Variants in GLIS2 observed in about 807,000 individuals in gnomAD.
The protein encoded by GLIS2 is GLIS family zinc finger 2.
GLIS2 carries 14 observed loss-of-function variants against 35.6 expected under a neutral mutation model. The observed-to-expected ratio is 0.39, with a 90% confidence interval of 0.26 to 0.61. The LOEUF (loss-of-function observed/expected upper bound fraction) is 0.61, where lower values mean the gene tolerates loss of function less well. GLIS2 is among the 20% of genes least tolerant of loss of function. GLIS2 has a pLI of 0.48. For synonymous variants in GLIS2, 368 were observed against 325.1 expected (o/e 1.13, Z -1.42); for missense variants, 675 against 713.4 (o/e 0.95, Z 0.61).
In GLIS2 at chr16:4,335,233, C is replaced by T; in HGVS notation, c.656+40C>T. The T allele has an allele frequency of 6.2e-6, 10 of 1,613,600 alleles. No homozygotes were observed. Among genetic ancestry groups the T allele is most frequent in the Non-Finnish European group, 8.5e-6 (10 of 1,179,994 alleles). On this transcript the variant is annotated intron_variant, in intron 5 of 6. Coordinates refer to ENST00000433375, the MANE Select transcript of GLIS2 (RefSeq NM_032575.3). This position sits in a 1 kb window ranked among gnomAD's most constrained non-coding sequence, Gnocchi z 4.6. Reference sequence around the variant, plus strand: ...AGAGGGGTAGAGGGAGGACTGGGGTCTCCAGTGAGCTGAGCCGTGCCCCCC... The same window carrying T: ...AGAGGGGTAGAGGGAGGACTGGGGTTTCCAGTGAGCTGAGCCGTGCCCCCC...
At chr16:4,326,973 C>G (rs531014031) in intron 1 of GLIS2, among the ~76,000 whole-genome samples, 144 of 152,172 alleles carry the variant, frequency 9.5e-4, no homozygotes, top group Non-Finnish European at 1.4e-3. Flanking sequence ...GTTGGCCAGG[C>G]TGGTCTGGAA....
intron 1 of GLIS2, among the ~76,000 whole-genome samples, chr16:4,318,913 C>T (rs956533902): frequency 6.6e-5 from 10 of 152,240 alleles, no homozygotes; most frequent in Non-Finnish European, 1.0e-4. Flanking sequence ...GGGTTTGGGG[C>T]AATCTCTGGA....
intron 6 of GLIS2, chr16:4,336,442 C>G: frequency 3.4e-6 from 2 of 589,868 alleles, no homozygotes; most frequent in Non-Finnish European, 3.0e-6. Context: ...CCACCGGGCC[C>G]GGCCTCCAAG....
chr16:4,328,608 G>A (rs1433307679), intron 1 of GLIS2, among the ~76,000 whole-genome samples: 2 of 152,218 alleles, frequency 1.3e-5, no homozygotes, highest in Non-Finnish European at 2.9e-5. Context: ...CGTGTGCCGG[G>A]CTCTGGCCTG....
At chr16:4,322,981 C>G (rs536977157) in intron 1 of GLIS2, among the ~76,000 whole-genome samples, 1 of 152,232 alleles carries the variant, frequency 6.6e-6, no homozygotes, top group Non-Finnish European at 1.5e-5. Flanking sequence ...CCCCAGAAGC[C>G]AAGGCTCCTG....
chr16:4,322,379 C>T (rs2141121791), intron 1 of GLIS2, among the ~76,000 whole-genome samples: 1 of 152,312 alleles, frequency 6.6e-6, no homozygotes, highest in African/African-American at 2.4e-5. Context: ...TCCTCTGTGG[C>T]ACTGGGCTTT....
At chr16:4,336,346 C>A (rs899485698) in intron 6 of GLIS2, 5 of 418,700 alleles carry the variant, frequency 1.2e-5, no homozygotes, top group Non-Finnish European at 2.2e-5. Context: ...GGGGTCTCAC[C>A]ATGTTGGCCC....
chr16:4,337,151 G>T lies in GLIS2; in HGVS notation c.1202G>T (p.Gly401Val), dbSNP rs1433611737. The change falls in exon 7 of 7, where the codon GGG becomes GTG. Residue 401 changes from glycine to valine, a missense_variant. Gly to Val is a moderately radical substitution (Grantham distance 109, BLOSUM62 -3). Around this residue, in one of 3 missense-constraint regions of GLIS2, gnomAD observed 317 missense variants for 283.2 expected, o/e 1.12. Coordinates refer to ENST00000433375, the MANE Select transcript of GLIS2 (RefSeq NM_032575.3). ...GGGGGTGGGGGGGGCATGGGCCCTGGGCTGCCAGGCCCCGTCCTGCCTCTC... is the reference window on the plus strand; with the variant it reads ...GGGGGTGGGGGGGGCATGGGCCCTGTGCTGCCAGGCCCCGTCCTGCCTCTC... ...GSGGGGGMGP[G>V]LPGPVLPLNL... The T allele has an allele frequency of 3.2e-6, 5 of 1,538,728 alleles. No individual in the cohort carries two copies. The highest frequency in any genetic ancestry group is 4.4e-6 in the Non-Finnish European group (5 of 1,146,770).
At chr16:4,327,221 T>C (rs1411202079) in intron 1 of GLIS2, among the ~76,000 whole-genome samples, 1 of 152,190 alleles carries the variant, frequency 6.6e-6, no homozygotes, top group Non-Finnish European at 1.5e-5. Flanking sequence ...AGAGCAGGAC[T>C]CCAACCAGCT....
rs1433055336 is a variant in GLIS2 at position 4,336,937 on chromosome 16, C to T, written c.988C>T (p.Gln330Ter). 6.2e-7 allele frequency: 1 copy of T among 1,611,704 alleles called. No homozygotes were observed. The highest frequency in any genetic ancestry group is 8.5e-7 in the Non-Finnish European group (1 of 1,179,672). The stretch of plus-strand genomic sequence containing the variant: ...GTCCCACGAGCAGCAAGAGCTCCTG[C>T]AGCTGCGCCCACCCCCCAAGCCGCC... ...FVSHEQQELL[Q>*]LRPPPKPPLP... Residue 330 changes from glutamine (Q) to a stop codon, truncating the protein, a stop_gained, in exon 7 of 7, where the codon CAG becomes TAG. Coordinates refer to ENST00000433375, the MANE Select transcript of GLIS2 (RefSeq NM_032575.3). LOFTEE classifies it high-confidence loss of function.
Position 4,320,072 on chromosome 16 carries a change from C to T in GLIS2, c.-67+3818C>T, listed in dbSNP as rs535277307. On this transcript the variant is annotated intron_variant, in intron 1 of 6. Coordinates refer to ENST00000433375, the MANE Select transcript of GLIS2 (RefSeq NM_032575.3). The surrounding 1 kb of genome is among the most constrained non-coding windows in gnomAD (Gnocchi z 5.6). ...TGGGGGGCGGGTGACTTGGGCTCCT[C>T]GTGCCCTTTGTCTTCGGTGCTTGAG... Among the ~76,000 whole-genome samples, 177 of 152,200 alleles carry T rather than the reference C, an allele frequency of 1.2e-3. 1 individual carries two copies. Among genetic ancestry groups the T allele is most frequent in the Admixed American group, 2.4e-3 (37 of 15,294 alleles).
In GLIS2 at chr16:4,335,575, T is replaced by G. The variant is rs2053542043; in HGVS notation, c.775+182T>G. On this transcript the variant is annotated intron_variant, in intron 6 of 6. Transcript: ENST00000433375. This position sits in a 1 kb window ranked among gnomAD's most constrained non-coding sequence, Gnocchi z 4.6. ...TGCTAGGGGAAGCATCCCCTGGGGG[T>G]CAGACCCCCACCCAGCACCTGCTCT... Among the ~76,000 whole-genome samples, 1 of 151,264 alleles carries G rather than the reference T, an allele frequency of 6.6e-6. No individual in the cohort carries two copies. Among genetic ancestry groups the G allele is most frequent in the African/African-American group, 2.4e-5 (1 of 41,064 alleles).
upstream of GLIS2, chr16:4,315,171 G>A (rs1262825976): frequency 2.0e-5 from 3 of 152,266 alleles, no homozygotes; most frequent in Non-Finnish European, 2.9e-5. Flanking sequence ...TAGGAACCAA[G>A]CGGAAGCTCG....
rs961554440 is a variant in GLIS2, at chr16:4,339,238, CCT to C, written c.*1715_*1716del. On this transcript the variant is annotated 3_prime_UTR_variant, in exon 7 of 7. Coordinates refer to ENST00000433375, the MANE Select transcript of GLIS2 (RefSeq NM_032575.3). ...ACCCAGGCCCTGAGCACCCCCCACC[CCT>C]GTGAGGGCCCCAGGCCTTAAGTCCC... is the stretch of plus-strand genomic sequence containing the variant. The C allele has an allele frequency of 1.2e-4, 18 of 152,860 alleles. 1 individual carries two copies. Among genetic ancestry groups the C allele is most frequent in the African/African-American group, 4.3e-4 (18 of 41,602 alleles). The allele number at this position is 152,860 out of a possible 1,614,324, so 9.5% of individuals were successfully genotyped here.
At chr16:4,326,466 G>C (rs61747446) in intron 1 of GLIS2, 2 of 152,210 alleles carry the variant, frequency 1.3e-5, no homozygotes, top group Non-Finnish European at 2.9e-5. Flanking sequence ...CAGGGATGCA[G>C]CCCCATCTTA....
chr16:4,332,447 C>T lies in GLIS2; in HGVS notation c.167C>T (p.Pro56Leu), dbSNP rs1319824956. The T allele has an allele frequency of 6.2e-7, 1 of 1,611,490 alleles. No homozygotes were observed. The highest frequency in any genetic ancestry group is 1.3e-5 in the African/African-American group (1 of 75,030). The change falls in exon 2 of 7, where the codon CCC (proline) becomes CTC (leucine). Residue 56 changes from proline (P) to leucine (L), a missense_variant. Physicochemically the swap from Pro to Leu is moderately conservative, Grantham distance 98 (BLOSUM62 -3). Around this residue, in one of 3 missense-constraint regions of GLIS2, gnomAD observed 225 missense variants for 238.7 expected, o/e 0.94. Coordinates refer to ENST00000433375, the MANE Select transcript of GLIS2 (RefSeq NM_032575.3). The surrounding 1 kb of genome is among the most constrained non-coding windows in gnomAD (Gnocchi z 5.4). The stretch of plus-strand genomic sequence containing the variant: ...ACACCTGGCTCTCCAGGCTCCCCGC[C>T]CTCAGGTACTGGCCCTGGGCAGGGC... ...SPTPGSPGSPPSGFLLNSKFP... is the reference protein window; with the variant it reads ...SPTPGSPGSPLSGFLLNSKFP...
rs746927998 is a variant in GLIS2 at position 4,337,245 on chromosome 16, C to T, written c.1296C>T (p.Ser432=). 26 of 1,548,256 alleles carry T rather than the reference C, an allele frequency of 1.7e-5. No individual in the cohort carries two copies. The highest frequency in any genetic ancestry group is 2.1e-5 in the Non-Finnish European group (24 of 1,147,314). The stretch of plus-strand genomic sequence containing the variant: ...GCGGACTGGGCTTGCCTGTGGTCTC[C>T]CTCCTTGCTGGCGCAGCTGGTGGCA... ...GAGGLGLPVV[S]LLAGAAGGKA... is the part of the protein sequence containing the mutation. The change falls in exon 7 of 7, where the codon TCC becomes TCT. Residue 432 remains serine, a synonymous_variant. Coordinates refer to ENST00000433375, the MANE Select transcript of GLIS2 (RefSeq NM_032575.3).
Position 4,332,439 on chromosome 16 carries a change from C to T in GLIS2, c.159C>T (p.Gly53=), listed in dbSNP as rs2053508015. 2 of 1,611,782 alleles carry T rather than the reference C, an allele frequency of 1.2e-6. No individual in the cohort carries two copies. The highest frequency in any genetic ancestry group is 4.5e-5 in the East Asian group (2 of 44,882). The change falls in exon 2 of 7, where the codon GGC becomes GGT. Residue 53 remains glycine (G), a synonymous_variant. Transcript: ENST00000433375. The surrounding 1 kb of genome is among the most constrained non-coding windows in gnomAD (Gnocchi z 5.4). ...VDDSPTPGSP[G]SPPSGFLLNS... ...ACAGCCCCACACCTGGCTCTCCAGG[C>T]TCCCCGCCCTCAGGTACTGGCCCTG...
In GLIS2 at chr16:4,333,384, G is replaced by C. The variant is rs886051990; in HGVS notation, c.210G>C (p.Glu70Asp). 6.2e-7 allele frequency: 1 copy of C among 1,613,024 alleles called. No homozygotes were observed. The highest frequency in any genetic ancestry group is 2.2e-5 in the East Asian group (1 of 44,870). The change falls in exon 3 of 7, where the codon GAG (glutamate) becomes GAC (aspartate). Residue 70 changes from glutamate to aspartate, a missense_variant. Physicochemically the swap from Glu to Asp is conservative, Grantham distance 45 (BLOSUM62 2). Transcript: ENST00000433375. ...ACTCCAAGTTCCCCGAGAAGGTGGA[G>C]GGACGCTTTTCAGCAGCCCCTCTCG... ...LLNSKFPEKV[E>D]GRFSAAPLVD...
Sources: allele counts gnomAD v4.1 joint callset (sites outside exome capture counted in the v4.1 genomes callset), GRCh38; gene constraint gnomAD v4.1.1; regional missense constraint gnomAD v4.1.1; non-coding constraint Gnocchi (gnomAD v3.1); transcripts MANE v1.5; gene names NCBI Gene and HGNC (gene_info 2026-07-23, HGNC 2026-07-21).